Variants in PALLD observed in about 807,000 individuals in gnomAD.
PALLD encodes the protein palladin, cytoskeletal associated protein, also known as palladin.
PALLD carries 61 observed loss-of-function variants against 123.5 expected under a neutral mutation model. The ratio of observed to expected loss-of-function variants is 0.49; its 90% CI spans 0.40 to 0.61. The LOEUF (loss-of-function observed/expected upper bound fraction) is 0.61. Among genes scored for constraint, PALLD ranks in the 20% least tolerant of loss-of-function variants. The pLI, the probability that PALLD is intolerant of heterozygous loss-of-function variation, is 0.00. For synonymous variants in PALLD, 465 were observed against 496.4 expected (o/e 0.94, Z 0.84); for missense variants, 1,273 against 1,377.0 (o/e 0.92, Z 1.20).
chr4:168,836,767 TTC>T (rs1439776075), intron 10 of PALLD, among the ~76,000 whole-genome samples: 1 of 152,188 alleles, frequency 6.6e-6, no homozygotes, highest in Non-Finnish European at 1.5e-5. Flanking sequence ...ATGGGTTGTG[TTC>T]TGATTGTGGG....
At chr4:168,854,040 G>T (rs993601428) in intron 10 of PALLD, among the ~76,000 whole-genome samples, 1 of 152,154 alleles carries the variant, frequency 6.6e-6, no homozygotes, top group African/African-American at 2.4e-5. Context: ...TACTCTGTGG[G>T]TTCTATTATT....
chr4:168,617,959 GAA>G (rs1774389768), intron 2 of PALLD, among the ~76,000 whole-genome samples: 1 of 152,324 alleles, frequency 6.6e-6, no homozygotes, highest in Non-Finnish European at 1.5e-5. Flanking sequence ...TTTGGAGAGA[GAA>G]AGAGAGATGT....
intron 7 of PALLD, 21 bp from the exon 8 acceptor site, chr4:168,691,247 AT>A: frequency 6.3e-7 from 1 of 1,590,158 alleles, no homozygotes; most frequent in Non-Finnish European, 8.6e-7. Flanking sequence ...GTTCTAATTT[AT>A]TTTTTTCATG....
intron 2 of PALLD, among the ~76,000 whole-genome samples, chr4:168,570,901 C>G (rs1768912363): frequency 6.6e-6 from 1 of 152,184 alleles, no homozygotes. Context: ...CTCCTATCCA[C>G]ATTTATTCTC....
At chr4:168,561,682 A>G (rs894922953) in intron 2 of PALLD, among the ~76,000 whole-genome samples, 6 of 152,226 alleles carry the variant, frequency 3.9e-5, no homozygotes, top group African/African-American at 1.4e-4. Context: ...ATTCATGCAT[A>G]TAACTCACAG....
chr4:168,560,993 G>A (rs891356636), intron 2 of PALLD, among the ~76,000 whole-genome samples: 1 of 152,116 alleles, frequency 6.6e-6, no homozygotes, highest in Non-Finnish European at 1.5e-5. Flanking sequence ...ACTGTCAGTG[G>A]AAAAGTAGGA....
chr4:168,894,824 A>C, intron 12 of PALLD, 147 bp downstream of exon 12: 49 of 1,352,560 alleles, frequency 3.6e-5, no homozygotes, highest in South Asian at 5.2e-5. Flanking sequence ...AGTCAACCTC[A>C]CAGCTAATTT....
chr4:168,891,873 T>C (rs1875300), intron 11 of PALLD, among the ~76,000 whole-genome samples: 103,074 of 151,978 alleles, frequency 0.68, 36,749 homozygotes, highest in East Asian at 0.96. Context: ...AGAGAAACCA[T>C]TGGGGAAGTT....
intron 10 of PALLD, among the ~76,000 whole-genome samples, chr4:168,807,255 A>T (rs1356219964): frequency 1.3e-5 from 2 of 151,438 alleles, no homozygotes; most frequent in African/African-American, 4.9e-5. Context: ...GCCAATAAAA[A>T]GCTATGAGTA....
chr4:168,586,963 C>G (rs924767603), intron 2 of PALLD, among the ~76,000 whole-genome samples: 1 of 152,192 alleles, frequency 6.6e-6, no homozygotes, highest in Non-Finnish European at 1.5e-5. Context: ...GTATCCTAGA[C>G]AGTCTCTTTG....
chr4:168,679,021 AGTGTGTGGTGTGT>A (rs1200891274), intron 3 of PALLD, among the ~76,000 whole-genome samples: 1 of 99,074 alleles, frequency 1.0e-5, no homozygotes, highest in Non-Finnish European at 2.0e-5. Flanking sequence ...GCATGGGTAT[AGTGTGTGGTGTGT>A]GTGTGTGGTG....
chr4:168,772,339 C>T (rs1409961874), intron 10 of PALLD, among the ~76,000 whole-genome samples: 1 of 152,160 alleles, frequency 6.6e-6, no homozygotes, highest in Admixed American at 6.5e-5. Context: ...TTTCAATGTT[C>T]ATGTTATCTC....
chr4:168,617,951 T>C (rs1255644569), intron 2 of PALLD, among the ~76,000 whole-genome samples: 1 of 152,206 alleles, frequency 6.6e-6, no homozygotes, highest in Non-Finnish European at 1.5e-5. Context: ...AGTTGAGTTT[T>C]GGAGAGAGAA....
At chr4:168,825,933 G>A (rs1411215515) in intron 10 of PALLD, among the ~76,000 whole-genome samples, 5 of 152,126 alleles carry the variant, frequency 3.3e-5, no homozygotes, top group Non-Finnish European at 5.9e-5. Context: ...TGGGATTAAC[G>A]TAAAATCTGT....
At chr4:168,600,741 G>T (rs1182856292) in intron 2 of PALLD, among the ~76,000 whole-genome samples, 2 of 152,062 alleles carry the variant, frequency 1.3e-5, no homozygotes, top group Non-Finnish European at 1.5e-5. Context: ...ATATTGGGGG[G>T]CAGCATCATG....
intron 10 of PALLD, among the ~76,000 whole-genome samples, chr4:168,880,065 T>G (rs1752400188): frequency 6.6e-6 from 1 of 152,236 alleles, no homozygotes; most frequent in African/African-American, 2.4e-5. Context: ...CTTATAGAAT[T>G]TGATCAAAGA....
intron 10 of PALLD, among the ~76,000 whole-genome samples, chr4:168,806,598 G>A (rs1312934595): frequency 6.6e-6 from 1 of 152,174 alleles, no homozygotes; most frequent in Non-Finnish European, 1.5e-5. Context: ...ATAGCAGTGT[G>A]AGAACAGACT....
At chr4:168,525,172 A>G (rs1036333854) in intron 2 of PALLD, among the ~76,000 whole-genome samples, 1 of 152,204 alleles carries the variant, frequency 6.6e-6, no homozygotes, top group African/African-American at 2.4e-5. Flanking sequence ...AAATCGAGGA[A>G]GAAAGGGCCC....
intron 10 of PALLD, among the ~76,000 whole-genome samples, chr4:168,856,299 G>A (rs1263946900): frequency 1.3e-5 from 2 of 152,188 alleles, no homozygotes; most frequent in East Asian, 3.8e-4. Context: ...GTGCTATGAG[G>A]AGCAAGTGTA....
Sources: gnomAD v4.1 joint callset for allele counts (sites outside exome capture counted in the v4.1 genomes callset) on GRCh38, gnomAD v4.1.1 for gene constraint, MANE v1.5 for transcripts, NCBI Gene and HGNC (gene_info 2026-07-23, HGNC 2026-07-21) for gene names.